Variants in CRPPA observed in about 807,000 individuals in gnomAD.
The protein encoded by CRPPA is D-ribitol-5-phosphate cytidylyltransferase.
Under a neutral mutation model 52.0 loss-of-function variants are expected in CRPPA, and 43 were observed. The ratio of observed to expected loss-of-function variants is 0.83; its 90% CI spans 0.65 to 1.07. The LOEUF (loss-of-function observed/expected upper bound fraction) is 1.07, where lower values mean the gene tolerates loss of function less well. Ranked by LOEUF, CRPPA falls within the 50% of genes least tolerant of loss-of-function variation. The pLI is 0.00. For synonymous variants in CRPPA, 250 were observed against 203.5 expected (o/e 1.23, Z -1.94); for missense variants, 629 against 551.7 (o/e 1.14, Z -1.40).
At chr7:16,368,451 C>T (rs986553769) in intron 3 of CRPPA, among the ~76,000 whole-genome samples, 3 of 152,126 alleles carry the variant, frequency 2.0e-5, no homozygotes, top group Admixed American at 6.5e-5. Flanking sequence ...CAAACACATA[C>T]GAATTTATGT....
intron 8 of CRPPA, among the ~76,000 whole-genome samples, chr7:16,248,562 T>C (rs535828274): frequency 9.9e-4 from 151 of 152,222 alleles, no homozygotes; most frequent in South Asian, 6.4e-3. Flanking sequence ...CCAATGGAAG[T>C]ACCTAATAAA....
intron 9 of CRPPA, among the ~76,000 whole-genome samples, chr7:16,201,426 GT>G (rs1243436542): frequency 4.6e-5 from 7 of 152,210 alleles, no homozygotes; most frequent in African/African-American, 9.6e-5. Context: ...CAATCAAATG[GT>G]ATCTTTTCCA....
chr7:16,381,447 C>T (rs11980414), intron 2 of CRPPA, among the ~76,000 whole-genome samples: 2 of 151,716 alleles, frequency 1.3e-5, no homozygotes, highest in African/African-American at 2.4e-5. Context: ...TGGTGTGGTG[C>T]TGAAAAAAAT....
At chr7:16,097,220 A>G (rs1781953789) in intron 9 of CRPPA, among the ~76,000 whole-genome samples, 1 of 152,162 alleles carries the variant, frequency 6.6e-6, no homozygotes. Flanking sequence ...CTTCTTAGAT[A>G]TTAAGAAAAC....
chr7:16,171,898 C>T (rs954475614), intron 9 of CRPPA, among the ~76,000 whole-genome samples: 2 of 152,136 alleles, frequency 1.3e-5, no homozygotes, highest in Non-Finnish European at 2.9e-5. Flanking sequence ...CACTGATATC[C>T]CTCTTCGACC....
chr7:16,102,555 T>A (rs7781386), intron 9 of CRPPA, among the ~76,000 whole-genome samples: 2 of 152,070 alleles, frequency 1.3e-5, no homozygotes, highest in African/African-American at 2.4e-5. Context: ...GCCATCTATC[T>A]GTCTGACAAA....
intron 3 of CRPPA, among the ~76,000 whole-genome samples, chr7:16,346,007 A>G (rs1786005680): frequency 6.6e-6 from 1 of 152,202 alleles, no homozygotes; most frequent in Admixed American, 6.6e-5. Context: ...TTATTTAGTA[A>G]ACGCCTGTAA....
At chr7:16,313,822 T>A (rs185015123) in intron 3 of CRPPA, among the ~76,000 whole-genome samples, 47 of 152,096 alleles carry the variant, frequency 3.1e-4, no homozygotes, top group Admixed American at 2.8e-3. Flanking sequence ...TCCAGGTACC[T>A]TTGTTATTGA....
chr7:16,251,437 C>T (rs1015966172), intron 8 of CRPPA, among the ~76,000 whole-genome samples: 1 of 152,142 alleles, frequency 6.6e-6, no homozygotes, highest in African/African-American at 2.4e-5. Context: ...CCTCTCAGCA[C>T]CACATCACAC....
intron 5 of CRPPA, among the ~76,000 whole-genome samples, chr7:16,295,152 C>T (rs888501307): frequency 6.6e-6 from 1 of 152,044 alleles, no homozygotes; most frequent in Non-Finnish European, 1.5e-5. Flanking sequence ...AACTGCTCTT[C>T]TATCGGTATA....
intron 9 of CRPPA, among the ~76,000 whole-genome samples, chr7:16,149,900 T>A (rs1478899550): frequency 6.6e-6 from 1 of 151,100 alleles, no homozygotes; most frequent in East Asian, 2.0e-4. Context: ...GCAGGAGAAC[T>A]GATTGAACTC....
At chr7:16,130,719 C>T (rs1782665028) in intron 9 of CRPPA, among the ~76,000 whole-genome samples, 1 of 152,154 alleles carries the variant, frequency 6.6e-6, no homozygotes, top group Admixed American at 6.6e-5. Flanking sequence ...AGATGAATAT[C>T]ACTTGGAAAG....
chr7:16,232,308 G>A (rs2128403348), intron 8 of CRPPA, among the ~76,000 whole-genome samples: 1 of 152,264 alleles, frequency 6.6e-6, no homozygotes, highest in Middle Eastern at 3.4e-3. Flanking sequence ...GCCTTTAAGA[G>A]GTGATAAGGT....
intron 2 of CRPPA, among the ~76,000 whole-genome samples, chr7:16,394,031 G>T (rs542956026): frequency 6.6e-6 from 1 of 152,226 alleles, no homozygotes. Context: ...ACTATATCAA[G>T]TAGTGGTGAG....
chr7:16,294,032 T>C lies in CRPPA; in HGVS notation c.835+7389A>G, dbSNP rs138380718. Among the ~76,000 whole-genome samples the C allele has an allele frequency of 1.7e-3, 266 of 152,070 alleles. 2 individuals are homozygous for C. Among genetic ancestry groups the C allele is most frequent in the African/African-American group, 6.2e-3 (256 of 41,540 alleles). Reference sequence around the variant, plus strand: ...TCCATGTCATTTTTTCTAATTCAACTCAAAATGAAAAGCCTGGTGTTCTCT... The same window carrying C: ...TCCATGTCATTTTTTCTAATTCAACCCAAAATGAAAAGCCTGGTGTTCTCT... On this transcript the variant is annotated intron_variant, in intron 5 of 9. Coordinates refer to ENST00000407010, the MANE Select transcript of CRPPA (RefSeq NM_001101426.4).
chr7:16,089,492 T>C lies in CRPPA; in HGVS notation c.*2203A>G, dbSNP rs1436746883. On this transcript the variant is annotated 3_prime_UTR_variant, in exon 10 of 10. Coordinates refer to ENST00000407010, the MANE Select transcript of CRPPA (RefSeq NM_001101426.4). ...ATGTACGTACATATATACGGGTATA[T>C]ATGTACGTACATACATAGATATGGG... is the stretch of plus-strand genomic sequence containing the variant. 1 of 304,668 alleles carries C rather than the reference T, an allele frequency of 3.3e-6. No individual in the cohort carries two copies. Among genetic ancestry groups the C allele is most frequent in the Admixed American group, 3.1e-5 (1 of 32,492 alleles). 18.9% of individuals were successfully genotyped at this position (304,668 alleles called of 1,614,324 possible).
intron 3 of CRPPA, among the ~76,000 whole-genome samples, chr7:16,346,795 T>C (rs565439804): frequency 5.7e-4 from 87 of 152,134 alleles, no homozygotes; most frequent in African/African-American, 2.0e-3. Flanking sequence ...AAACCACATA[T>C]GTTGAATTAA....
intron 9 of CRPPA, among the ~76,000 whole-genome samples, chr7:16,140,140 T>C (rs1228611421): frequency 6.6e-6 from 1 of 152,220 alleles, no homozygotes; most frequent in Non-Finnish European, 1.5e-5. Context: ...TACTGGTTTC[T>C]AATTTTTAGT....
chr7:16,122,489 T>C (rs2128370195), intron 9 of CRPPA, among the ~76,000 whole-genome samples: 1 of 152,156 alleles, frequency 6.6e-6, no homozygotes, highest in Admixed American at 6.5e-5. Context: ...TAGGAAGTTC[T>C]TATAATTACA....
Sources: allele counts gnomAD v4.1 joint callset (sites outside exome capture counted in the v4.1 genomes callset), GRCh38; gene constraint gnomAD v4.1.1; transcripts MANE v1.5; gene names NCBI Gene and HGNC (gene_info 2026-07-23, HGNC 2026-07-21).